The following MIPOL1 variants were observed in gnomAD, a reference collection of about 807,000 sequenced individuals.
The protein encoded by MIPOL1 is mirror-image polydactyly 1, also known as mirror-image polydactyly gene 1 protein.
A neutral mutation model predicts 60.9 loss-of-function variants in MIPOL1; 57 were observed. The ratio of observed to expected loss-of-function variants is 0.94; its 90% CI spans 0.76 to 1.17. MIPOL1 has a LOEUF of 1.17. MIPOL1 is among the 50% of genes most tolerant of loss of function. MIPOL1 has a pLI of 0.00. For synonymous variants in MIPOL1, 179 were observed against 168.8 expected (o/e 1.06, Z -0.47); for missense variants, 551 against 511.6 (o/e 1.08, Z -0.74).
chr14:37,401,232 G>T (rs1349604192), intron 10 of MIPOL1: 2 of 152,028 alleles, frequency 1.3e-5, no homozygotes, highest in Non-Finnish European at 2.9e-5. Flanking sequence ...AGGAGTAAAT[G>T]TAAGAGAAAC....
At chr14:37,505,129 A>C (rs1205749236) in intron 12 of MIPOL1, 1 of 152,162 alleles carries the variant, frequency 6.6e-6, no homozygotes, top group Non-Finnish European at 1.5e-5. Context: ...CCACCAAAAA[A>C]AGTCCAGAAC....
At chr14:37,509,445 G>A (rs1170600299) in intron 12 of MIPOL1, among the ~76,000 whole-genome samples, 1 of 151,830 alleles carries the variant, frequency 6.6e-6, no homozygotes, top group East Asian at 1.9e-4. Flanking sequence ...TTAGCATAGA[G>A]CAAACATACT....
At chr14:37,403,332 T>C (rs2093524007) in intron 10 of MIPOL1, among the ~76,000 whole-genome samples, 1 of 152,120 alleles carries the variant, frequency 6.6e-6, no homozygotes, top group Admixed American at 6.6e-5. Context: ...TTTTTGGTTT[T>C]GGTAATGTGC....
At chr14:37,434,864 A>AC (rs1477971010) in intron 11 of MIPOL1, among the ~76,000 whole-genome samples, 1 of 151,942 alleles carries the variant, frequency 6.6e-6, no homozygotes, top group East Asian at 1.9e-4. Flanking sequence ...AAAAAAAAAA[A>AC]AACAAAATAC....
At chr14:37,259,962 G>A (rs1471397398) in intron 3 of MIPOL1, among the ~76,000 whole-genome samples, 1 of 151,866 alleles carries the variant, frequency 6.6e-6, no homozygotes, top group Non-Finnish European at 1.5e-5. Flanking sequence ...CTCATTCTTT[G>A]TCATTTCCCC....
At chr14:37,513,033 T>G (rs562422179) in intron 12 of MIPOL1, among the ~76,000 whole-genome samples, 11 of 152,280 alleles carry the variant, frequency 7.2e-5, no homozygotes, top group Admixed American at 1.3e-4. Context: ...ACCTTCTAAA[T>G]CTAATTAGAG....
Position 37,345,994 on chromosome 14 carries a change from T to C in MIPOL1, c.829-23523T>C, listed in dbSNP as rs115461540. On this transcript the variant is annotated intron_variant, in intron 9 of 12. Transcript: ENST00000684589. ...GGACACATATCTTCTCTAGCATTTG[T>C]CCTGTCTCTTTTTATTTGTCAAAGT... Among the ~76,000 whole-genome samples the C allele has an allele frequency of 2.5e-3, 388 of 152,310 alleles. 6 individuals carry two copies. The highest frequency in any genetic ancestry group is 9.2e-3 in the African/African-American group (384 of 41,562).
intron 10 of MIPOL1, among the ~76,000 whole-genome samples, chr14:37,376,156 T>C (rs191766434): frequency 6.6e-6 from 1 of 152,254 alleles, no homozygotes; most frequent in Admixed American, 6.5e-5. Flanking sequence ...AGTGGTACAT[T>C]TGTTATAGTT....
intron 3 of MIPOL1, among the ~76,000 whole-genome samples, chr14:37,251,543 GT>G (rs1300766620): frequency 3.3e-5 from 5 of 150,110 alleles, no homozygotes; most frequent in Admixed American, 3.3e-4. Flanking sequence ...CTATTTAAGG[GT>G]TCTCTTTTGA....
Position 37,514,191 on chromosome 14 carries a change from C to T in MIPOL1, c.1262+14053C>T, listed in dbSNP as rs557843538. Among the ~76,000 whole-genome samples, 3 of 152,108 alleles carry T rather than the reference C, an allele frequency of 2.0e-5. No individual in the cohort carries two copies. The East Asian group carries it at 5.8e-4, about 29-fold the overall frequency. On this transcript the variant is annotated intron_variant, in intron 12 of 12. Transcript: ENST00000684589. ...ATATGATCTAACAGGTACGCTTTTC[C>T]CTTCTTTTGTTCTTAGCTGCAGTCA...
intron 1 of MIPOL1, among the ~76,000 whole-genome samples, 195 bp from the exon 2 acceptor site, chr14:37,246,908 G>A (rs1480266691): frequency 2.6e-5 from 4 of 152,006 alleles, no homozygotes; most frequent in Non-Finnish European, 4.4e-5. Flanking sequence ...ATATTACTAA[G>A]CACATTAAGG....
At chr14:37,207,589 A>G (rs536429973) in intron 1 of MIPOL1, among the ~76,000 whole-genome samples, 165 of 152,258 alleles carry the variant, frequency 1.1e-3, no homozygotes, top group Non-Finnish European at 1.6e-3. Context: ...TCTGTTGCTC[A>G]GGCTGGAGTG....
At chr14:37,456,358 T>C (rs2094476266) in intron 11 of MIPOL1, among the ~76,000 whole-genome samples, 1 of 152,060 alleles carries the variant, frequency 6.6e-6, no homozygotes, top group African/African-American at 2.4e-5. Flanking sequence ...GAACAAATTA[T>C]AGCCTGGGAC....
At chr14:37,304,895 A>G (rs1170693347) in intron 7 of MIPOL1, among the ~76,000 whole-genome samples, 1 of 151,804 alleles carries the variant, frequency 6.6e-6, no homozygotes, top group East Asian at 1.9e-4. Flanking sequence ...TAAAGTTTAC[A>G]AAAGGTTGAA....
At chr14:37,277,254 A>G (rs572517641) in intron 6 of MIPOL1, 13 of 151,432 alleles carry the variant, frequency 8.6e-5, no homozygotes, top group African/African-American at 2.9e-4. Flanking sequence ...TAATGATTCT[A>G]AAGAGGAAAT....
intron 11 of MIPOL1, chr14:37,423,507 G>A (rs1398379056): frequency 6.6e-6 from 1 of 151,558 alleles, no homozygotes; most frequent in Admixed American, 6.6e-5. Context: ...TTATAGTAAT[G>A]GTAAACTTTT....
At chr14:37,512,393 T>G (rs2095335243) in intron 12 of MIPOL1, among the ~76,000 whole-genome samples, 1 of 152,022 alleles carries the variant, frequency 6.6e-6, no homozygotes. Flanking sequence ...AGCTGCTTAA[T>G]CTGTTTGTAG....
chr14:37,329,257 G>A (rs1000970951), intron 9 of MIPOL1, among the ~76,000 whole-genome samples: 10 of 151,976 alleles, frequency 6.6e-5, no homozygotes, highest in African/African-American at 1.4e-4. Flanking sequence ...AAGAATGCGG[G>A]TAAATGATTG....
chr14:37,263,120 TTTCTTTCCTAGAATAGGCAATGGTATTG>T (rs2082627014), intron 3 of MIPOL1, among the ~76,000 whole-genome samples: 1 of 152,194 alleles, frequency 6.6e-6, no homozygotes, highest in Non-Finnish European at 1.5e-5. Context: ...ATCTCAAAGC[TTTCTTTCCTAGAATAGGCAATGGTATTG>T]TAACACTGTT....
Sources: gnomAD v4.1 joint callset for allele counts (sites outside exome capture counted in the v4.1 genomes callset) on GRCh38, gnomAD v4.1.1 for gene constraint, MANE v1.5 for transcripts, NCBI Gene and HGNC (gene_info 2026-07-23, HGNC 2026-07-21) for gene names.